The following CRLF2 variants were observed in gnomAD, a reference collection of about 807,000 sequenced individuals.
The protein encoded by CRLF2 is cytokine receptor like factor 2, also known as cytokine receptor-like factor 2.
In CRLF2, 41 loss-of-function variants were observed where a neutral mutation model predicts 38.7. The observed-to-expected ratio is 1.06, with a 90% CI of 0.83 to 1.37. The LOEUF is 1.37. Ranked by LOEUF, CRLF2 falls within the 40% of genes most tolerant of loss-of-function variation. The pLI is 0.00. For missense variants in CRLF2, 377 were observed against 322.2 expected (o/e 1.17, Z -1.30); for synonymous variants, 140 against 128.8 (o/e 1.09, Z -0.59).
At chrX:1,193,088 C>A in intron 7 of CRLF2, 130 bp downstream of exon 7, 1 of 388,880 alleles carries the variant, frequency 2.6e-6, no homozygotes, top group Non-Finnish European at 4.5e-6. Flanking sequence ...GCTGGGATGA[C>A]AGGCGTGAGC....
chrX:1,205,369 G>C (rs1370307859), intron 3 of CRLF2, among the ~76,000 whole-genome samples: 1 of 152,204 alleles, frequency 6.6e-6, no homozygotes, highest in Non-Finnish European at 1.5e-5. Context: ...AGTGTGCTGG[G>C]ATTGCTTTTC....
chrX:1,209,339 G>GTGTAGTGTAT (rs1449179382), intron 1 of CRLF2, among the ~76,000 whole-genome samples: 3 of 134,022 alleles, frequency 2.2e-5, no homozygotes, highest in Admixed American at 7.4e-5. Context: ...GTGTAGTGTA[G>GTGTAGTGTAT]TGTATTGTGT....
rs1444990358 is a variant in CRLF2, at chrX:1,190,935, T to G, written c.1078A>C (p.Thr360Pro). The G allele has an allele frequency of 2.5e-6, 1 of 398,538 alleles. No homozygotes were observed. The highest frequency in any genetic ancestry group is 2.1e-5 in the African/African-American group (1 of 48,626). The allele number at this position is 398,538 out of a possible 1,614,324, so 24.7% of individuals were successfully genotyped here. ...TAGGAGCGGTCATTCATCACAAAGG[T>G]GAAGCCCCCGATTGTGACCACATCA... ...GGDVVTIGGF[T>P]FVMNDRSYVA... Residue 360 changes from threonine to proline, a missense_variant, in exon 8 of 8, where the codon ACC becomes CCC. Transcript: ENST00000400841.
intron 2 of CRLF2, among the ~76,000 whole-genome samples, chrX:1,207,614 G>A (rs2086715937): frequency 6.7e-6 from 1 of 148,882 alleles, no homozygotes; most frequent in Non-Finnish European, 1.5e-5. Flanking sequence ...CTGCAACTAC[G>A]TGCAAAATCC....
chrX:1,205,717 A>C (rs1189622505), intron 3 of CRLF2, among the ~76,000 whole-genome samples: 2 of 152,174 alleles, frequency 1.3e-5, no homozygotes, highest in Middle Eastern at 3.4e-3. Flanking sequence ...TGATCCTGCG[A>C]CTTGCTAGAG....
At chrX:1,196,982 C>G in intron 5 of CRLF2, 82 bp from the exon 6 acceptor site, 4 of 1,168,606 alleles carry the variant, frequency 3.4e-6, no homozygotes, top group East Asian at 2.7e-5. Flanking sequence ...ACATCTCATC[C>G]CTAACCAGTC....
rs1201523419 is a variant in CRLF2, at chrX:1,193,688, T to A, written c.768-386A>T. On this transcript the variant is annotated intron_variant, in intron 6 of 7. Transcript: ENST00000400841. ...TCCCAGCTACTCGGGAGGCTGAGGCTGGAGAATGGCGTGAACCCGGGAGGT... is the reference window on the plus strand; with the variant it reads ...TCCCAGCTACTCGGGAGGCTGAGGCAGGAGAATGGCGTGAACCCGGGAGGT... Among the ~76,000 whole-genome samples the A allele has an allele frequency of 3.7e-3, 526 of 141,328 alleles. 2 individuals are homozygous for A. Among genetic ancestry groups the A allele is most frequent in the Middle Eastern group, 0.012 (3 of 252 alleles). 92.7% of individuals were successfully genotyped at this position (141,328 alleles called of 152,430 possible).
Position 1,190,839 on chromosome X carries a change from CCT to C in CRLF2, c.*56_*57del, listed in dbSNP as rs1341531871. 1.0e-5 allele frequency: 4 copies of C among 398,554 alleles called. No individual in the cohort carries two copies. The highest frequency in any genetic ancestry group is 1.8e-5 in the Non-Finnish European group (4 of 226,086). The allele number at this position is 398,554 out of a possible 1,614,324, so 24.7% of individuals were successfully genotyped here. On this transcript the variant is annotated 3_prime_UTR_variant, in exon 8 of 8. Transcript: ENST00000400841. ...TGGTGTGGAGTCCCCGGGACAGTCC[CCT>C]CTGTCTTTAAATGTCAACGTGGATC...
rs778785726 is a variant in CRLF2 at position 1,202,437 on chromosome X, C to A, written c.448G>T (p.Val150Phe). Reference sequence around the variant, plus strand: ...GTGTCGAAGGGGCTCCGGTACTGAACCTCATAGAGGAGATCCCCGTAGGAC... The same window carrying A: ...GTGTCGAAGGGGCTCCGGTACTGAAACTCATAGAGGAGATCCCCGTAGGAC... ...DLSYGDLLYE[V>F]QYRSPFDTEW... The change falls in exon 4 of 8, where the codon GTT becomes TTT. Residue 150 changes from valine (V) to phenylalanine (F), a missense_variant. By Grantham distance (50) the Val-to-Phe change is conservative. Transcript: ENST00000400841. 6.8e-6 allele frequency: 11 copies of A among 1,613,688 alleles called. No homozygotes were observed. Among genetic ancestry groups the A allele is most frequent in the Non-Finnish European group, 9.3e-6 (11 of 1,179,648 alleles).
intron 2 of CRLF2, among the ~76,000 whole-genome samples, chrX:1,207,261 C>G (rs2086707922): frequency 7.0e-6 from 1 of 142,474 alleles, no homozygotes; most frequent in East Asian, 2.3e-4. Context: ...TTTATTTGTT[C>G]GTTTGTTTTT....
chrX:1,199,732 G>T (rs2086565906), intron 4 of CRLF2, among the ~76,000 whole-genome samples: 1 of 151,712 alleles, frequency 6.6e-6, no homozygotes, highest in Admixed American at 6.6e-5. Context: ...ATCTCTATAT[G>T]TATATTTATA....
chrX:1,192,449 T>C (rs1233255712), intron 7 of CRLF2, among the ~76,000 whole-genome samples: 2 of 150,934 alleles, frequency 1.3e-5, no homozygotes, highest in African/African-American at 4.9e-5. Context: ...AACCCATCTG[T>C]ACTAAAAATA....
chrX:1,194,767 C>G (rs1352904305), intron 6 of CRLF2, among the ~76,000 whole-genome samples: 9 of 152,092 alleles, frequency 5.9e-5, no homozygotes, highest in Non-Finnish European at 1.2e-4. Flanking sequence ...AGTGGTGGCT[C>G]ACGCCTGTCA....
chrX:1,191,304 T>TCTTTCTTTC (rs2086370249), intron 7 of CRLF2, 144 bp from the exon 8 acceptor site: 1 of 350,330 alleles, frequency 2.9e-6, no homozygotes, highest in African/African-American at 3.0e-5. Flanking sequence ...TCTCTTTCTT[T>TCTTTCTTTC]CTTTCTTTCT....
intron 3 of CRLF2, 109 bp downstream of exon 3, chrX:1,206,324 A>T: frequency 1.0e-6 from 1 of 959,104 alleles, no homozygotes; most frequent in Non-Finnish European, 1.7e-6. Context: ...CTCAATAGTT[A>T]ACGGTAATCA....
Position 1,198,665 on chromosome X carries a change from G to A in CRLF2, c.543C>T (p.Tyr181=), listed in dbSNP as rs1184178423. ...TIEGLDAEKC[Y]SFWVRVKAME... ...TAGCCTTCACCCTGACCCAGAAAGA[G>A]TAACACTTCTCGGCATCCAAGCCTT... The change falls in exon 5 of 8, where the codon TAC becomes TAT. Residue 181 remains tyrosine, a synonymous_variant. Coordinates refer to ENST00000400841, the MANE Select transcript of CRLF2 (RefSeq NM_022148.4). 1.2e-6 allele frequency: 2 copies of A among 1,613,046 alleles called. No individual in the cohort carries two copies. The highest frequency in any genetic ancestry group is 1.3e-5 in the African/African-American group (1 of 74,822).
In CRLF2 at chrX:1,210,768, A is replaced by T. The variant is rs184430901; in HGVS notation, c.79+1788T>A. Among the ~76,000 whole-genome samples the T allele has an allele frequency of 1.5e-3, 231 of 152,342 alleles. 1 individual carries two copies. Among genetic ancestry groups the T allele is most frequent in the African/African-American group, 5.2e-3 (216 of 41,590 alleles). Reference sequence around the variant, plus strand: ...GATAGATAGAATTATATAGATGATGATAGAAATAGTTAGACAGACAGACAC... The same window carrying T: ...GATAGATAGAATTATATAGATGATGTTAGAAATAGTTAGACAGACAGACAC... On this transcript the variant is annotated intron_variant, in intron 1 of 7. Coordinates refer to ENST00000400841, the MANE Select transcript of CRLF2 (RefSeq NM_022148.4).
At chrX:1,193,435 G>A (rs1399115056) in intron 6 of CRLF2, 133 bp from the exon 7 acceptor site, 25 of 396,140 alleles carry the variant, frequency 6.3e-5, no homozygotes, top group Non-Finnish European at 8.5e-5. Flanking sequence ...ATGGACACAT[G>A]TGTCTCCTCC....
chrX:1,192,726 TTC>T lies in CRLF2; in HGVS notation c.852+490_852+491del, dbSNP rs1474113204. ...TCTTTTCTTTTCTTTCTTTCTTTCT[TTC>T]TTTCTTTCTTTCTTTCTTTCTTTCT... On this transcript the variant is annotated intron_variant, in intron 7 of 7. Transcript: ENST00000400841. Among the ~76,000 whole-genome samples, 65 of 95,474 alleles carry T rather than the reference TTC, an allele frequency of 6.8e-4. 2 individuals carry two copies. The East Asian group carries it at 0.013, about 19-fold the overall frequency. The allele number at this position is 95,474 out of a possible 152,430, so 62.6% of individuals were successfully genotyped here.
Sources: gnomAD v4.1 joint callset for allele counts (sites outside exome capture counted in the v4.1 genomes callset) on GRCh38, gnomAD v4.1.1 for gene constraint, MANE v1.5 for transcripts, NCBI Gene and HGNC (gene_info 2026-07-23, HGNC 2026-07-21) for gene names.